The following MCPH1 variants were observed in gnomAD, a reference collection of about 807,000 sequenced individuals.
MCPH1 encodes the protein microcephalin 1, also known as microcephalin.
A neutral mutation model predicts 84.5 loss-of-function variants in MCPH1; 104 were observed. That is an observed-to-expected ratio of 1.23 (90% CI 1.05 to 1.45). The LOEUF (loss-of-function observed/expected upper bound fraction) is 1.45. Among genes scored for constraint, MCPH1 ranks in the 40% most tolerant of loss-of-function variants. The pLI, the probability that MCPH1 is intolerant of heterozygous loss-of-function variation, is 0.00. For missense variants in MCPH1, 1,498 were observed against 1,005.7 expected, an observed-to-expected ratio of 1.49 and a Z score of -6.62; for synonymous variants, 514 against 366.8, an observed-to-expected ratio of 1.40 and a Z score of -4.58.
chr8:6,504,175 G>T lies in MCPH1; in HGVS notation c.2214+4246G>T, dbSNP rs928201561. Among the ~76,000 whole-genome samples the T allele has an allele frequency of 7.9e-5, 12 of 151,840 alleles. 1 individual carries two copies. Among genetic ancestry groups the T allele is most frequent in the African/African-American group, 2.7e-4 (11 of 41,362 alleles). The stretch of plus-strand genomic sequence containing the variant: ...CTACTAAAAATACAAAAAATTAGCC[G>T]GGCGTGGTGGCGGACGCCTGTAGTC... On this transcript the variant is annotated intron_variant, in intron 12 of 13. Coordinates refer to ENST00000344683, the MANE Select transcript of MCPH1 (RefSeq NM_024596.5).
chr8:6,447,558 A>G (rs1307114508), intron 8 of MCPH1: 7 of 483,106 alleles, frequency 1.4e-5, no homozygotes, highest in Admixed American at 6.4e-5. Flanking sequence ...TTTGTTTTTT[A>G]GTTTTTTTTG....
intron 12 of MCPH1, among the ~76,000 whole-genome samples, chr8:6,546,859 AACT>A (rs1361523374): frequency 2.0e-5 from 3 of 152,212 alleles, no homozygotes; most frequent in Admixed American, 2.0e-4. Context: ...AGTCAAAAAG[AACT>A]AATAAATTGT....
At chr8:6,408,549 T>C (rs1450876281) in intron 1 of MCPH1, among the ~76,000 whole-genome samples, 1 of 151,932 alleles carries the variant, frequency 6.6e-6, no homozygotes, top group Admixed American at 6.6e-5. Context: ...TTACTTTTCT[T>C]ATTTTTGAGG....
In MCPH1 at chr8:6,445,228, C is replaced by A. The variant is rs777379943; in HGVS notation, c.1506C>A (p.Ala502=). ...CAACTTCGAGTTGCGTGACTTCTGC[C>A]CCTGAAGAAGCCCTAAGGTGTTGTA... ...GRATSSCVTS[A]PEEALRCCRQ... Residue 502 remains alanine (A), a synonymous_variant, in exon 8 of 14, where the codon GCC becomes GCA. Coordinates refer to ENST00000344683, the MANE Select transcript of MCPH1 (RefSeq NM_024596.5). The A allele has an allele frequency of 1.2e-6, 2 of 1,614,196 alleles. No individual in the cohort carries two copies. Among genetic ancestry groups the A allele is most frequent in the Non-Finnish European group, 1.7e-6 (2 of 1,180,042 alleles).
chr8:6,475,119 C>T (rs550874609), intron 9 of MCPH1, among the ~76,000 whole-genome samples: 1 of 152,322 alleles, frequency 6.6e-6, no homozygotes, highest in South Asian at 2.1e-4. Flanking sequence ...TAAGAGCTAT[C>T]ACATTCTCAC....
intron 12 of MCPH1, among the ~76,000 whole-genome samples, chr8:6,525,244 C>A (rs987527709): frequency 6.6e-6 from 1 of 152,010 alleles, no homozygotes; most frequent in African/African-American, 2.4e-5. Context: ...TATTCCAGCC[C>A]CCTGATCGTT....
In MCPH1 at chr8:6,444,966, A is replaced by C. The variant is rs199724219; in HGVS notation, c.1244A>C (p.Tyr415Ser). The C allele has an allele frequency of 4.0e-5, 65 of 1,614,080 alleles. No individual in the cohort carries two copies. In the South Asian group the frequency reaches 5.4e-4, roughly 13 times the overall value. ...LSCGESSYDD[Y>S]FSPDNLKERY... is the part of the protein sequence containing the mutation. ...TGTGGGGAGTCTTCATATGATGACT[A>C]TTTTTCACCTGATAATCTTAAGGAA... is the stretch of plus-strand genomic sequence containing the variant. Residue 415 changes from tyrosine (Y) to serine (S), a missense_variant, in exon 8 of 14, where the codon TAT (tyrosine) becomes TCT (serine). Coordinates refer to ENST00000344683, the MANE Select transcript of MCPH1 (RefSeq NM_024596.5).
chr8:6,577,887 C>T (rs1444158541), intron 12 of MCPH1, among the ~76,000 whole-genome samples: 1 of 152,190 alleles, frequency 6.6e-6, no homozygotes, highest in Non-Finnish European at 1.5e-5. Context: ...GAATTTATGT[C>T]TTCCTCCGCC....
At chr8:6,565,992 A>G (rs1380018284) in intron 12 of MCPH1, among the ~76,000 whole-genome samples, 2 of 152,216 alleles carry the variant, frequency 1.3e-5, no homozygotes, top group Admixed American at 1.3e-4. Context: ...AACTCTGTCC[A>G]GTGTCAGATG....
At chr8:6,443,542 C>G (rs1457021764) in intron 7 of MCPH1, among the ~76,000 whole-genome samples, 1 of 152,222 alleles carries the variant, frequency 6.6e-6, no homozygotes, top group Non-Finnish European at 1.5e-5. Flanking sequence ...CCTCCACCAG[C>G]AAGTGCTGAG....
intron 13 of MCPH1, 169 bp from the exon 14 acceptor site, chr8:6,642,825 C>T (rs1390873966): frequency 8.7e-6 from 6 of 689,000 alleles, no homozygotes; most frequent in East Asian, 2.7e-5. Context: ...TTTCGTTTCA[C>T]GTTAATTTAA....
At chr8:6,588,596 C>T (rs905764364) in intron 12 of MCPH1, among the ~76,000 whole-genome samples, 1 of 152,254 alleles carries the variant, frequency 6.6e-6, no homozygotes, top group Non-Finnish European at 1.5e-5. Context: ...CTGCCTGAGT[C>T]CATGTGAACG....
chr8:6,556,638 G>C (rs889121846), intron 12 of MCPH1, among the ~76,000 whole-genome samples: 3 of 151,572 alleles, frequency 2.0e-5, no homozygotes, highest in Non-Finnish European at 4.4e-5. Flanking sequence ...TCATTTTTTA[G>C]GGTCTCACTT....
At chr8:6,504,523 C>T (rs1245485425) in intron 12 of MCPH1, among the ~76,000 whole-genome samples, 3 of 151,956 alleles carry the variant, frequency 2.0e-5, no homozygotes, top group Non-Finnish European at 4.4e-5. Flanking sequence ...TATCGCAGTG[C>T]TTATGTTCAA....
At position 6,467,090 on chromosome 8, in the gene MCPH1, G is replaced by A. The variant is rs148777826; in HGVS notation, c.1936-10504G>A. Reference sequence around the variant, plus strand: ...AACTGCAATTCAGAATTAATGAGGCGTTATAATAGGGTTTGTTAAAAAAAT... The same window carrying A: ...AACTGCAATTCAGAATTAATGAGGCATTATAATAGGGTTTGTTAAAAAAAT... On this transcript the variant is annotated intron_variant, in intron 9 of 13. Coordinates refer to ENST00000344683, the MANE Select transcript of MCPH1 (RefSeq NM_024596.5). 2.4e-3 allele frequency among the ~76,000 whole-genome samples: 361 copies of A among 152,248 alleles called. 4 individuals carry two copies. Among genetic ancestry groups the A allele is most frequent in the African/African-American group, 8.0e-3 (331 of 41,544 alleles).
chr8:6,441,560 G>T (rs1803512424), intron 6 of MCPH1, among the ~76,000 whole-genome samples: 1 of 152,198 alleles, frequency 6.6e-6, no homozygotes, highest in Admixed American at 6.5e-5. Context: ...CATCCTAAGT[G>T]TTTTCTATGA....
At chr8:6,433,048 A>G (rs996289979) in intron 4 of MCPH1, among the ~76,000 whole-genome samples, 3 of 152,172 alleles carry the variant, frequency 2.0e-5, no homozygotes, top group Non-Finnish European at 4.4e-5. Flanking sequence ...GGGCTCTGCT[A>G]TCTTATGTGT....
chr8:6,627,212 G>A (rs1297476543), intron 13 of MCPH1: 1 of 985,214 alleles, frequency 1.0e-6, no homozygotes, highest in Non-Finnish European at 1.2e-6. Flanking sequence ...CGGGCTTCCT[G>A]ATTCAGTAGA....
At chr8:6,465,270 G>C (rs1050348021) in intron 9 of MCPH1, among the ~76,000 whole-genome samples, 1 of 152,190 alleles carries the variant, frequency 6.6e-6, no homozygotes, top group African/African-American at 2.4e-5. Flanking sequence ...GGAGTAAAGG[G>C]ACTGTAGATA....
Sources: allele counts gnomAD v4.1 joint callset (sites outside exome capture counted in the v4.1 genomes callset), GRCh38; gene constraint gnomAD v4.1.1; transcripts MANE v1.5; gene names NCBI Gene and HGNC (gene_info 2026-07-23, HGNC 2026-07-21).